TMPRSS15: variants seen among roughly 807,000 people sequenced by gnomAD.
TMPRSS15 encodes transmembrane serine protease 15.
TMPRSS15 carries 128 observed loss-of-function variants against 125.3 expected under a neutral mutation model. The observed-to-expected ratio is 1.02, with a 90% CI of 0.89 to 1.18. The LOEUF is 1.18. Among genes scored for constraint, TMPRSS15 ranks in the 50% most tolerant of loss-of-function variants. TMPRSS15 has a pLI of 0.00. For synonymous variants in TMPRSS15, 446 were observed against 423.2 expected (o/e 1.05, Z -0.66); for missense variants, 1,283 against 1,212.7 (o/e 1.06, Z -0.86).
intron 21 of TMPRSS15, among the ~76,000 whole-genome samples, chr21:18,292,483 T>C (rs1419141628): frequency 6.6e-6 from 1 of 152,244 alleles, no homozygotes; most frequent in Non-Finnish European, 1.5e-5. Context: ...TTCTATTTTC[T>C]ACACATATTT....
rs182153701 is a variant in TMPRSS15, at chr21:18,480,331, G to A, written c.10+5468C>T. ...ATGGATTTTTAAACAACTAGCTCAC[G>A]TTCTCTTAGGTGGTGCTGTAGGTTG... is the stretch of plus-strand genomic sequence containing the variant. On this transcript the variant is annotated intron_variant, in intron 1 of 7. Coordinates refer to the TMPRSS15 transcript ENST00000422787. Among the ~76,000 whole-genome samples the A allele has an allele frequency of 2.6e-4, 39 of 151,944 alleles. No homozygotes were observed. In the East Asian group the frequency reaches 5.0e-3, roughly 20 times the overall value.
At chr21:18,436,086 C>G (rs1186538883) in intron 1 of TMPRSS15, among the ~76,000 whole-genome samples, 1 of 151,182 alleles carries the variant, frequency 6.6e-6, no homozygotes, top group African/African-American at 2.4e-5. Flanking sequence ...AAACCAGCTC[C>G]TGGATTCATT....
intron 23 of TMPRSS15, among the ~76,000 whole-genome samples, chr21:18,277,128 G>A (rs79032784): frequency 1.3e-5 from 2 of 152,086 alleles, no homozygotes; most frequent in Admixed American, 6.6e-5. Flanking sequence ...CATAAACTAC[G>A]TGAAACTTAC....
intron 1 of TMPRSS15, among the ~76,000 whole-genome samples, chr21:18,440,368 G>T (rs1296367967): frequency 2.6e-4 from 2 of 7,806 alleles, no homozygotes; most frequent in Non-Finnish European, 4.1e-4. Context: ...GCGAAACTCC[G>T]TCTCAAAAAA....
At chr21:18,431,114 CT>C (rs2076215774) in intron 1 of TMPRSS15, among the ~76,000 whole-genome samples, 1 of 152,088 alleles carries the variant, frequency 6.6e-6, no homozygotes, top group African/African-American at 2.4e-5. Context: ...TTTTTCTTTG[CT>C]GTAAAGTCTC....
intron 3 of TMPRSS15, among the ~76,000 whole-genome samples, chr21:18,393,264 A>T (rs965371701): frequency 6.6e-6 from 1 of 152,176 alleles, no homozygotes; most frequent in Non-Finnish European, 1.5e-5. Context: ...AAAACTAGTA[A>T]CTACAAGCAG....
At chr21:18,401,295 C>T (rs1453227578) in intron 1 of TMPRSS15, among the ~76,000 whole-genome samples, 1 of 152,178 alleles carries the variant, frequency 6.6e-6, no homozygotes, top group East Asian at 1.9e-4. Context: ...TTCATCACAG[C>T]ACAGTTTACA....
At chr21:18,408,019 G>A (rs922397709), upstream of TMPRSS15, among the ~76,000 whole-genome samples, 11 of 152,106 alleles carry the variant, frequency 7.2e-5, no homozygotes, top group African/African-American at 2.7e-4. Context: ...GGTATGGAGT[G>A]GGTGTAGCCA....
At chr21:18,419,742 C>CTG (rs1420722851) in intron 1 of TMPRSS15, among the ~76,000 whole-genome samples, 1 of 152,150 alleles carries the variant, frequency 6.6e-6, no homozygotes, top group Non-Finnish European at 1.5e-5. Flanking sequence ...AGCCATGCAT[C>CTG]TGTAGTCGTT....
Position 18,365,150 on chromosome 21 carries a change from AC to A in TMPRSS15, c.762del (p.Gln254HisfsTer6). 6.2e-7 allele frequency: 1 copy of A among 1,613,584 alleles called. No homozygotes were observed. Among genetic ancestry groups the A allele is most frequent in the Non-Finnish European group, 8.5e-7 (1 of 1,179,504 alleles). On this transcript the variant is annotated frameshift_variant, in exon 7 of 25. Transcript: ENST00000284885. LOFTEE classifies it high-confidence loss of function. The part of the protein sequence containing the change: ...PKPSETSVVC[Q>X]WIIRVNQGLS... ...AAGATCTTGTATTACCGTATGATCC[AC>A]TGGCAGACAACACTTGTTTCAGAAG...
intron 1 of TMPRSS15, among the ~76,000 whole-genome samples, chr21:18,398,555 A>C (rs559395878): frequency 6.6e-6 from 1 of 151,844 alleles, no homozygotes; most frequent in South Asian, 2.1e-4. Context: ...TTCTTTCAAC[A>C]TTTTTTTTCT....
chr21:18,278,726 A>C (rs1340353663), intron 23 of TMPRSS15, among the ~76,000 whole-genome samples: 1 of 152,154 alleles, frequency 6.6e-6, no homozygotes, highest in East Asian at 1.9e-4. Context: ...CGTCTCAAAA[A>C]CAAACAAACA....
chr21:18,347,526 G>T lies in TMPRSS15; in HGVS notation c.1172-3466C>A, dbSNP rs539697987. ...ATTACAGGCATCAGCCACTGCACCT[G>T]GCCTGTTGTATATTTTATTTATGTT... is the stretch of plus-strand genomic sequence containing the variant. On this transcript the variant is annotated intron_variant, in intron 10 of 24. Transcript: ENST00000284885. 3.3e-5 allele frequency among the ~76,000 whole-genome samples: 5 copies of T among 152,126 alleles called. No individual in the cohort carries two copies. In the South Asian group the frequency reaches 1.0e-3, roughly 32 times the overall value.
At chr21:18,286,805 G>T (rs190298433) in intron 21 of TMPRSS15, among the ~76,000 whole-genome samples, 10 of 152,210 alleles carry the variant, frequency 6.6e-5, no homozygotes. Flanking sequence ...TCCAGGGCTC[G>T]ATCCATAGTT....
chr21:18,372,510 T>C (rs1381491629), intron 5 of TMPRSS15, among the ~76,000 whole-genome samples, 186 bp from the exon 6 acceptor site: 1 of 152,178 alleles, frequency 6.6e-6, no homozygotes, highest in African/African-American at 2.4e-5. Context: ...TGAAATTTCA[T>C]GTGGGGCAAT....
chr21:18,315,227 T>G lies in TMPRSS15; in HGVS notation c.1951A>C (p.Lys651Gln), dbSNP rs139156916. 48 of 1,613,702 alleles carry G rather than the reference T, an allele frequency of 3.0e-5. No individual in the cohort carries two copies. In the African/African-American group the frequency reaches 6.3e-4, roughly 21 times the overall value. ...EPCKADHFQCKNGECVPLVNL... is the reference protein window; with the variant it reads ...EPCKADHFQCQNGECVPLVNL... ...ACCAGTGGAACACACTCTCCATTTT[T>G]ACATTGAAAATGGTCTGCCTTGCAT... The change falls in exon 17 of 25, where the codon AAA (lysine) becomes CAA (glutamine). Residue 651 changes from lysine to glutamine, a missense_variant. Physicochemically the swap from Lys to Gln is moderately conservative, Grantham distance 53. Coordinates refer to ENST00000284885, the MANE Select transcript of TMPRSS15 (RefSeq NM_002772.3).
chr21:18,430,380 T>C (rs1015556252), intron 1 of TMPRSS15, among the ~76,000 whole-genome samples: 4 of 152,198 alleles, frequency 2.6e-5, no homozygotes, highest in Non-Finnish European at 4.4e-5. Context: ...TTATGTTGCT[T>C]GATCAAAGAT....
intron 1 of TMPRSS15, among the ~76,000 whole-genome samples, chr21:18,438,077 A>T (rs1470001522): frequency 6.6e-6 from 1 of 151,642 alleles, no homozygotes; most frequent in Non-Finnish European, 1.5e-5. Flanking sequence ...GAACCAACCC[A>T]AATGTCCAAC....
Position 18,278,944 on chromosome 21 carries a change from T to TTTTTTG in TMPRSS15, c.2764+19_2764+20insCAAAAA. 1 of 1,025,968 alleles carries TTTTTTG rather than the reference T, an allele frequency of 9.7e-7. No homozygotes were observed. Among genetic ancestry groups the TTTTTTG allele is most frequent in the Non-Finnish European group, 1.4e-6 (1 of 689,920 alleles). 63.6% of individuals were successfully genotyped at this position (1,025,968 alleles called of 1,614,324 possible). A position where few individuals can be genotyped will look rare whatever the true frequency, so the allele number is the denominator to read the frequency against. On this transcript the variant is annotated intron_variant, in intron 23 of 24. Coordinates refer to ENST00000284885, the MANE Select transcript of TMPRSS15 (RefSeq NM_002772.3). The stretch of plus-strand genomic sequence containing the variant: ...GTAAGGTTTTTTTTTTTTTTTTTTT[T>TTTTTTG]TTTGAGTCTGATAATTTACCTTGAT...
Sources: allele counts gnomAD v4.1 joint callset (sites outside exome capture counted in the v4.1 genomes callset), GRCh38; gene constraint gnomAD v4.1.1; transcripts MANE v1.5; gene names NCBI Gene and HGNC (gene_info 2026-07-23, HGNC 2026-07-21).